Variants in CSMD3 observed in about 807,000 individuals in gnomAD.
CSMD3 encodes the protein CUB and Sushi multiple domains 3.
CSMD3 carries 177 observed loss-of-function variants against 435.2 expected under a neutral mutation model. The ratio of observed to expected loss-of-function variants is 0.41; its 90% CI spans 0.36 to 0.46. CSMD3 has a LOEUF of 0.46. Ranked by LOEUF, CSMD3 falls within the 20% of genes least tolerant of loss-of-function variation. CSMD3 has a pLI of 0.34. For missense variants in CSMD3, 4,265 were observed against 4,504.6 expected, an observed-to-expected ratio of 0.95 and a Z score of 1.52; for synonymous variants, 1,656 against 1,520.5, an observed-to-expected ratio of 1.09 and a Z score of -2.07.
intron 70 of CSMD3, among the ~76,000 whole-genome samples, chr8:112,225,677 C>T (rs185506340): frequency 6.6e-6 from 1 of 152,206 alleles, no homozygotes; most frequent in Non-Finnish European, 1.5e-5. Context: ...AACATGAATG[C>T]TCAATTTTAT....
At chr8:112,933,257 C>T (rs1272328822) in intron 9 of CSMD3, among the ~76,000 whole-genome samples, 1 of 151,964 alleles carries the variant, frequency 6.6e-6, no homozygotes, top group Admixed American at 6.6e-5. Flanking sequence ...CAGAATTGGG[C>T]TATAGATTCT....
chr8:112,475,723 T>A (rs1259366722), intron 31 of CSMD3, among the ~76,000 whole-genome samples: 1 of 152,178 alleles, frequency 6.6e-6, no homozygotes, highest in Non-Finnish European at 1.5e-5. Context: ...ACTTCACAGA[T>A]TCTCCTAATA....
At position 112,370,023 on chromosome 8, in the gene CSMD3, G is replaced by GGAAGAGGAA. The variant is rs1554658405; in HGVS notation, c.6136+10328_6136+10329insTTCCTCTTC. On this transcript the variant is annotated intron_variant, in intron 38 of 70. Coordinates refer to ENST00000297405, the MANE Select transcript of CSMD3 (RefSeq NM_198123.2). ...AAGAAGAGGAAGAGGAAGAAGAAGA[G>GGAAGAGGAA]GAAGAAGAAGAAGAAGAAGAAGAAG... 2.4e-3 allele frequency among the ~76,000 whole-genome samples: 160 copies of GGAAGAGGAA among 66,592 alleles called. 1 individual carries two copies. Among genetic ancestry groups the GGAAGAGGAA allele is most frequent in the African/African-American group, 9.9e-3 (155 of 15,582 alleles). 43.7% of individuals were successfully genotyped at this position (66,592 alleles called of 152,430 possible).
intron 1 of CSMD3, among the ~76,000 whole-genome samples, chr8:113,328,425 GA>G (rs2094000661): frequency 6.9e-6 from 1 of 145,694 alleles, no homozygotes. Flanking sequence ...GCGACAGAGC[GA>G]GACTCCGTCT....
chr8:112,674,737 G>T (rs755970967), intron 16 of CSMD3, among the ~76,000 whole-genome samples: 1 of 152,090 alleles, frequency 6.6e-6, no homozygotes, highest in Non-Finnish European at 1.5e-5. Context: ...CAAGCTCATT[G>T]TATAAGCAAA....
At chr8:112,695,691 T>A (rs1352700373) in intron 13 of CSMD3, among the ~76,000 whole-genome samples, 1 of 152,142 alleles carries the variant, frequency 6.6e-6, no homozygotes, top group Non-Finnish European at 1.5e-5. Flanking sequence ...ATGCCCTCTC[T>A]CACCATTCCT....
intron 1 of CSMD3, among the ~76,000 whole-genome samples, chr8:113,322,642 T>G (rs56340334): frequency 6.6e-6 from 1 of 152,170 alleles, no homozygotes; most frequent in East Asian, 1.9e-4. Context: ...AAAATTTTGA[T>G]TGGGATTATT....
rs1439646116 is a variant in CSMD3, at chr8:113,314,802, A to G, written c.179-9T>C. 1 of 1,484,182 alleles carries G rather than the reference A, an allele frequency of 6.7e-7. No homozygotes were observed. Among genetic ancestry groups the G allele is most frequent in the Admixed American group, 1.7e-5 (1 of 59,828 alleles). 91.9% of individuals were successfully genotyped at this position (1,484,182 alleles called of 1,614,324 possible). ...ACATGTATAAATAAATCCTGCAACA[A>G]AAGACAATAAACAGACATTAATATT... On this transcript the variant is annotated splice_polypyrimidine_tract_variant and intron_variant, in intron 1 of 70. Coordinates refer to ENST00000297405, the MANE Select transcript of CSMD3 (RefSeq NM_198123.2).
chr8:112,414,434 G>A (rs10092138), intron 32 of CSMD3, among the ~76,000 whole-genome samples: 31,067 of 152,070 alleles, frequency 0.2, 3,895 homozygotes, highest in East Asian at 0.44. Flanking sequence ...TGCTTCTCCC[G>A]TTGCCTTCTG....
intron 38 of CSMD3, among the ~76,000 whole-genome samples, chr8:112,376,712 T>A (rs1018310046): frequency 6.6e-6 from 1 of 152,192 alleles, no homozygotes; most frequent in African/African-American, 2.4e-5. Flanking sequence ...GTTAATGATA[T>A]ATATACCAAC....
At chr8:112,708,371 G>T (rs970446452) in intron 13 of CSMD3, among the ~76,000 whole-genome samples, 2 of 151,920 alleles carry the variant, frequency 1.3e-5, no homozygotes, top group Non-Finnish European at 2.9e-5. Flanking sequence ...GATTGGAAAA[G>T]ATATTAGCAA....
chr8:112,263,861 G>T (rs1472427516), intron 60 of CSMD3, 49 bp from the exon 61 acceptor site: 1 of 1,487,452 alleles, frequency 6.7e-7, no homozygotes, highest in Non-Finnish European at 9.4e-7. Context: ...AATATCCTGA[G>T]CCTTAAAGAT....
chr8:112,666,080 T>C (rs2075516907), intron 17 of CSMD3, among the ~76,000 whole-genome samples, 197 bp downstream of exon 17: 1 of 152,122 alleles, frequency 6.6e-6, no homozygotes, highest in Admixed American at 6.6e-5. Flanking sequence ...ATAGTACTGA[T>C]ACAGCATTAC....
At chr8:112,747,674 C>CT (rs778576359) in intron 13 of CSMD3, among the ~76,000 whole-genome samples, 4 of 152,134 alleles carry the variant, frequency 2.6e-5, no homozygotes, top group Non-Finnish European at 5.9e-5. Flanking sequence ...CTCTATAAAA[C>CT]TTTATTTATA....
intron 13 of CSMD3, among the ~76,000 whole-genome samples, chr8:112,791,318 T>TG (rs35834442): frequency 0.47 from 39,986 of 84,762 alleles, 6,440 homozygotes; most frequent in African/African-American, 0.6. Flanking sequence ...GCATATCCTG[T>TG]GAAAAAAAAA....
intron 5 of CSMD3, among the ~76,000 whole-genome samples, chr8:113,058,112 A>T (rs1301040350): frequency 6.6e-6 from 1 of 151,944 alleles, no homozygotes; most frequent in African/African-American, 2.4e-5. Flanking sequence ...AAATATTTTA[A>T]TTGAAATATC....
intron 1 of CSMD3, chr8:113,377,205 A>G: frequency 1.8e-6 from 2 of 1,083,462 alleles, no homozygotes; most frequent in South Asian, 2.1e-5. Flanking sequence ...CGGAAGTTCG[A>G]GCGCGCGAGA....
intron 5 of CSMD3, among the ~76,000 whole-genome samples, chr8:113,089,190 A>C (rs527528978): frequency 1.3e-5 from 2 of 152,230 alleles, no homozygotes; most frequent in East Asian, 3.9e-4. Context: ...CTTTCAATAC[A>C]TAATTTTCAT....
intron 32 of CSMD3, among the ~76,000 whole-genome samples, chr8:112,468,866 TGA>T (rs1465427327): frequency 6.6e-6 from 1 of 152,038 alleles, no homozygotes; most frequent in African/African-American, 2.4e-5. Context: ...GTTATTTTTC[TGA>T]GAGTAATAAA....
Sources: allele counts gnomAD v4.1 joint callset (sites outside exome capture counted in the v4.1 genomes callset), GRCh38; gene constraint gnomAD v4.1.1; transcripts MANE v1.5; gene names NCBI Gene and HGNC (gene_info 2026-07-23, HGNC 2026-07-21).